The following SHPRH variants were observed in gnomAD, a reference collection of about 807,000 sequenced individuals.
The protein encoded by SHPRH is E3 ubiquitin-protein ligase SHPRH.
SHPRH carries 106 observed loss-of-function variants against 202.5 expected under a neutral mutation model. The ratio of observed to expected loss-of-function variants is 0.52; its 90% CI spans 0.45 to 0.62. The LOEUF is 0.62. SHPRH is among the 20% of genes least tolerant of loss of function. The pLI, the probability that SHPRH is intolerant of heterozygous loss-of-function variation, is 0.00. For synonymous variants in SHPRH, 729 were observed against 686.0 expected (o/e 1.06, Z -0.98); for missense variants, 1,710 against 2,020.0 (o/e 0.85, Z 2.94).
At chr6:145,960,902 A>T (rs2128812846) in intron 1 of SHPRH, among the ~76,000 whole-genome samples, 1 of 152,138 alleles carries the variant, frequency 6.6e-6, no homozygotes, top group Middle Eastern at 3.4e-3. Flanking sequence ...TTGTTTAGGG[A>T]TGAAACTATT....
intron 25 of SHPRH, among the ~76,000 whole-genome samples, chr6:145,902,958 A>G (rs1282368262): frequency 6.6e-6 from 1 of 152,116 alleles, no homozygotes; most frequent in East Asian, 1.9e-4. Flanking sequence ...CTGTGTGTTC[A>G]ATTTACTGCA....
chr6:145,875,950 A>G (rs1780281635), intron 2 of SHPRH, among the ~76,000 whole-genome samples: 1 of 152,216 alleles, frequency 6.6e-6, no homozygotes, highest in Non-Finnish European at 1.5e-5. Context: ...ATGCCAAATG[A>G]TATTTTTTAA....
chr6:145,875,775 T>G (rs1780272846), intron 2 of SHPRH, among the ~76,000 whole-genome samples: 1 of 152,182 alleles, frequency 6.6e-6, no homozygotes, highest in Non-Finnish European at 1.5e-5. Flanking sequence ...CAGTTGAGTT[T>G]CAATTACAGC....
intron 20 of SHPRH, 79 bp from the exon 21 acceptor site, chr6:145,921,471 A>C: frequency 7.3e-7 from 1 of 1,367,716 alleles, no homozygotes; most frequent in Non-Finnish European, 1.0e-6. Context: ...TTCTAAAAGA[A>C]CATGTTTGCA....
In SHPRH at chr6:145,925,537, G is replaced by T. The variant is rs796813250; in HGVS notation, c.3294+667C>A. 9.2e-5 allele frequency among the ~76,000 whole-genome samples: 14 copies of T among 151,828 alleles called. 1 individual carries two copies. Among genetic ancestry groups the T allele is most frequent in the African/African-American group, 3.4e-4 (14 of 41,482 alleles). On this transcript the variant is annotated intron_variant, in intron 16 of 29. Transcript: ENST00000275233. ...CCAAAACAACCAGTGCAAAAAGGCT[G>T]TGCTTATTTATATAATCTCATTTTT...
At position 145,950,553 on chromosome 6, in the gene SHPRH, A is replaced by G. The variant is rs1032275263; in HGVS notation, c.764-71T>C. ...CTAACTATAAGCAATTCTTATTCTA[A>G]GAGCATACAATGAACTTGCCCAACT... On this transcript the variant is annotated intron_variant, in intron 3 of 29. Transcript: ENST00000275233. 6 of 1,450,848 alleles carry G rather than the reference A, an allele frequency of 4.1e-6. No individual in the cohort carries two copies. The African/African-American group carries it at 8.4e-5, about 20-fold the overall frequency. 89.9% of individuals were successfully genotyped at this position (1,450,848 alleles called of 1,614,324 possible). A position where few individuals can be genotyped will look rare whatever the true frequency, so the allele number is the denominator to read the frequency against.
At chr6:145,878,519 A>C (rs144874583) in intron 2 of SHPRH, among the ~76,000 whole-genome samples, 1 of 152,132 alleles carries the variant, frequency 6.6e-6, no homozygotes, top group Non-Finnish European at 1.5e-5. Flanking sequence ...AAAGCTGTTG[A>C]TCATCTTTTC....
Position 145,952,372 on chromosome 6 carries a change from T to G in SHPRH, c.740A>C (p.Lys247Thr), listed in dbSNP as rs745648738. 8.1e-6 allele frequency: 13 copies of G among 1,604,146 alleles called. No homozygotes were observed. In the Admixed American group the frequency reaches 2.2e-4, roughly 27 times the overall value. Residue 247 changes from lysine to threonine, a missense_variant, in exon 3 of 30, where the codon AAG becomes ACG. Transcript: ENST00000275233. ...FNQLMKKVME[K>T]LHNSIIPDVL... The stretch of plus-strand genomic sequence containing the variant: ...ACCTGGAATAATAGAATTGTGTAAC[T>G]TTTCCATTACTTTCTTCATGAGCTG...
intron 28 of SHPRH, among the ~76,000 whole-genome samples, chr6:145,890,645 T>C (rs1443274287): frequency 6.6e-6 from 1 of 152,168 alleles, no homozygotes; most frequent in Non-Finnish European, 1.5e-5. Flanking sequence ...ACTCTGTCTC[T>C]ATCTAAACTC....
downstream of SHPRH, among the ~76,000 whole-genome samples, chr6:145,862,912 C>T (rs1029059518): frequency 6.6e-6 from 1 of 152,112 alleles, no homozygotes; most frequent in Non-Finnish European, 1.5e-5. Flanking sequence ...TAGGTAGGCA[C>T]GATGTATTAT....
At chr6:145,891,821 T>A (rs1337635289) in intron 28 of SHPRH, among the ~76,000 whole-genome samples, 1 of 152,152 alleles carries the variant, frequency 6.6e-6, no homozygotes, top group Non-Finnish European at 1.5e-5. Context: ...CTGAATGGCC[T>A]TTTGGACTCG....
rs1317718171 is a variant in SHPRH at position 145,950,245 on chromosome 6, TTAAAC to T, written c.982+14_982+18del. The T allele has an allele frequency of 1.2e-6, 2 of 1,609,390 alleles. No individual in the cohort carries two copies. The highest frequency in any genetic ancestry group is 1.3e-5 in the African/African-American group (1 of 74,754). ...ATCTCTCTAATCAATTGGACTTTCTTTAAACATCTTATTCTTACCAGTAGCAGGAC... is the reference window on the plus strand; with the variant it reads ...ATCTCTCTAATCAATTGGACTTTCTTATCTTATTCTTACCAGTAGCAGGAC... On this transcript the variant is annotated intron_variant, in intron 4 of 29. Transcript: ENST00000275233.
chr6:145,873,720 G>GGAGT (rs1780166827), intron 2 of SHPRH, among the ~76,000 whole-genome samples: 1 of 146,744 alleles, frequency 6.8e-6, no homozygotes, highest in Non-Finnish European at 1.5e-5. Flanking sequence ...AGGAAGGGAG[G>GGAGT]GAGGGAGGGA....
chr6:145,917,308 T>C (rs951028021), intron 23 of SHPRH: 2 of 152,162 alleles, frequency 1.3e-5, no homozygotes, highest in African/African-American at 2.4e-5. Context: ...TTACTGATGA[T>C]GCGAGGAAAG....
intron 6 of SHPRH, among the ~76,000 whole-genome samples, chr6:145,946,779 C>T (rs144529489): frequency 1.9e-3 from 291 of 151,920 alleles, no homozygotes; most frequent in African/African-American, 6.7e-3. Context: ...ATCTGAAAGG[C>T]TAATTCTGCA....
At chr6:145,910,971 GATA>G (rs1422601394) in intron 24 of SHPRH, among the ~76,000 whole-genome samples, 13 of 152,036 alleles carry the variant, frequency 8.6e-5, no homozygotes, top group Non-Finnish European at 1.9e-4. Context: ...TTAATTTGGA[GATA>G]ATATCATACT....
intron 16 of SHPRH, among the ~76,000 whole-genome samples, chr6:145,925,507 C>T (rs770410854): frequency 4.0e-5 from 6 of 151,794 alleles, no homozygotes; most frequent in South Asian, 4.1e-4. Flanking sequence ...AGGGCACCTC[C>T]GCCCCCAAAA....
intron 29 of SHPRH, 75 bp downstream of exon 29, chr6:145,887,945 G>A: frequency 8.6e-7 from 1 of 1,159,064 alleles, no homozygotes; most frequent in Non-Finnish European, 1.3e-6. Flanking sequence ...TGTCATCTAA[G>A]TGAAGAAGTT....
chr6:145,921,805 A>G (rs1784453509), intron 20 of SHPRH, among the ~76,000 whole-genome samples: 1 of 152,026 alleles, frequency 6.6e-6, no homozygotes, highest in Non-Finnish European at 1.5e-5. Flanking sequence ...GAATAGTAAT[A>G]CACCTGGATG....
Sources: gnomAD v4.1 joint callset for allele counts (sites outside exome capture counted in the v4.1 genomes callset) on GRCh38, gnomAD v4.1.1 for gene constraint, MANE v1.5 for transcripts, NCBI Gene and HGNC (gene_info 2026-07-23, HGNC 2026-07-21) for gene names.